GREB1L: variants seen among roughly 807,000 people sequenced by gnomAD.
GREB1L encodes the protein GREB1 like retinoic acid receptor coactivator.
A neutral mutation model predicts 200.8 loss-of-function variants in GREB1L; 17 were observed. The ratio of observed to expected loss-of-function variants is 0.08; its 90% CI spans 0.06 to 0.13. GREB1L has a LOEUF of 0.13. Among genes scored for constraint, GREB1L ranks in the 10% least tolerant of loss-of-function variants. The probability of loss-of-function intolerance (pLI) is 1.00; values close to 1 mark genes in which losing one functional copy is unlikely to be tolerated. For synonymous variants in GREB1L, 789 were observed against 893.0 expected (o/e 0.88, Z 2.08); for missense variants, 1,657 against 2,367.7 (o/e 0.70, Z 6.23).
intron 1 of GREB1L, among the ~76,000 whole-genome samples, chr18:21,347,147 G>A (rs574680402): frequency 3.3e-5 from 5 of 151,976 alleles, no homozygotes; most frequent in African/African-American, 1.2e-4. Flanking sequence ...GCGTGGTGGT[G>A]GGTGCCTGTA....
At chr18:21,513,250 A>C (rs2037304049) in intron 27 of GREB1L, among the ~76,000 whole-genome samples, 2 of 152,210 alleles carry the variant, frequency 1.3e-5, no homozygotes, top group South Asian at 2.1e-4. Flanking sequence ...TGCCTCTTGC[A>C]AAAGGCAGAT....
At chr18:21,504,408 C>T (rs559326541) in intron 23 of GREB1L, among the ~76,000 whole-genome samples, 43 of 152,310 alleles carry the variant, frequency 2.8e-4, no homozygotes, top group Middle Eastern at 3.4e-3. Context: ...TGATGGTACA[C>T]GCCTGCAATC....
intron 10 of GREB1L, 83 bp from the exon 11 acceptor site, chr18:21,444,141 C>A: frequency 1.1e-6 from 1 of 952,032 alleles, no homozygotes; most frequent in Non-Finnish European, 1.5e-6. Context: ...TGTTAAGCAG[C>A]TTTGATCGTC....
chr18:21,337,127 A>C (rs545321805), intron 1 of GREB1L, among the ~76,000 whole-genome samples: 3 of 152,292 alleles, frequency 2.0e-5, no homozygotes, highest in South Asian at 2.1e-4. Flanking sequence ...TGCAGGATCC[A>C]GTGATGATTA....
intron 7 of GREB1L, among the ~76,000 whole-genome samples, chr18:21,428,551 A>G (rs546583737): frequency 6.6e-6 from 1 of 150,742 alleles, no homozygotes; most frequent in South Asian, 2.1e-4. Context: ...AATATGGTGT[A>G]TGGAATAACA....
intron 1 of GREB1L, among the ~76,000 whole-genome samples, chr18:21,290,473 A>G (rs1391980434): frequency 6.6e-6 from 1 of 152,164 alleles, no homozygotes; most frequent in Admixed American, 6.6e-5. Flanking sequence ...AGATGGTTCC[A>G]TTTCACTTTT....
chr18:21,444,237 A>C lies in GREB1L; in HGVS notation c.1221A>C (p.Leu407Phe). 6.4e-7 allele frequency: 1 copy of C among 1,550,922 alleles called. No individual in the cohort carries two copies. The highest frequency in any genetic ancestry group is 2.0e-5 in the Admixed American group (1 of 51,002). ...RPVILIGYGT[L>F]PYFYGNVGDI... is the part of the protein sequence containing the mutation. Reference sequence around the variant, plus strand: ...CTATTGGGACAGGCTATGGCACTTTACCCTATTTCTATGGAAATGTTGGTG... The same window carrying C: ...CTATTGGGACAGGCTATGGCACTTTCCCCTATTTCTATGGAAATGTTGGTG... Residue 407 changes from leucine to phenylalanine, a missense_variant, in exon 11 of 33, where the codon TTA becomes TTC. Transcript: ENST00000424526.
At chr18:21,432,560 G>T (rs1250897163) in intron 7 of GREB1L, among the ~76,000 whole-genome samples, 1 of 151,298 alleles carries the variant, frequency 6.6e-6, no homozygotes, top group African/African-American at 2.4e-5. Flanking sequence ...TTACTGAATG[G>T]TTAACTTAGG....
chr18:21,321,807 A>G (rs2038956251), intron 1 of GREB1L, among the ~76,000 whole-genome samples: 1 of 152,250 alleles, frequency 6.6e-6, no homozygotes, highest in Non-Finnish European at 1.5e-5. Flanking sequence ...ATCTCCATAG[A>G]TGTCAAAAGG....
chr18:21,483,130 C>G (rs948909789), intron 17 of GREB1L, among the ~76,000 whole-genome samples: 58 of 152,152 alleles, frequency 3.8e-4, no homozygotes, highest in African/African-American at 1.4e-3. Flanking sequence ...TATTTACCAA[C>G]CTGCTAAGAA....
At chr18:21,251,078 G>T (rs143787962) in intron 1 of GREB1L, among the ~76,000 whole-genome samples, 2 of 152,186 alleles carry the variant, frequency 1.3e-5, no homozygotes, top group Non-Finnish European at 2.9e-5. Flanking sequence ...TGCTTTGGGA[G>T]GCCAAAGTGG....
intron 15 of GREB1L, among the ~76,000 whole-genome samples, chr18:21,456,705 G>C (rs192445207): frequency 6.6e-6 from 1 of 152,060 alleles, no homozygotes; most frequent in South Asian, 2.1e-4. Flanking sequence ...TGGAAATATC[G>C]ACCTGTAGGT....
intron 1 of GREB1L, among the ~76,000 whole-genome samples, chr18:21,355,034 G>A (rs1230906115): frequency 6.6e-6 from 1 of 152,162 alleles, no homozygotes; most frequent in Non-Finnish European, 1.5e-5. Context: ...CTCTTGGGAA[G>A]AGGCCTCAGT....
chr18:21,383,599 A>T lies in GREB1L; in HGVS notation c.81A>T (p.Arg27Ser). The change falls in exon 3 of 33, where the codon AGA (arginine) becomes AGT (serine). Residue 27 changes from arginine to serine, a missense_variant. Transcript: ENST00000424526. The part of the protein sequence containing the change: ...ALHNSIEASL[R>S]CSSVVPRPIF... ...ACAACTCCATAGAAGCCTCCCTCAG[A>T]TGTAGTAGTGTGGTACCACGGCCAA... 2 of 1,551,258 alleles carry T rather than the reference A, an allele frequency of 1.3e-6. No individual in the cohort carries two copies. Among genetic ancestry groups the T allele is most frequent in the South Asian group, 1.2e-5 (1 of 83,914 alleles).
chr18:21,245,701 T>C (rs566264648), intron 1 of GREB1L, among the ~76,000 whole-genome samples: 18 of 140,594 alleles, frequency 1.3e-4, no homozygotes, highest in Non-Finnish European at 1.8e-4. Context: ...ATTCTTTTTT[T>C]GTTTTGTTTT....
At chr18:21,251,768 A>C (rs1038707051) in intron 1 of GREB1L, among the ~76,000 whole-genome samples, 11 of 152,180 alleles carry the variant, frequency 7.2e-5, no homozygotes, top group Admixed American at 3.9e-4. Flanking sequence ...AACATGGTGA[A>C]ACCCAGTCTG....
intron 7 of GREB1L, among the ~76,000 whole-genome samples, chr18:21,426,998 A>G (rs2144986771): frequency 6.7e-6 from 1 of 148,806 alleles, no homozygotes; most frequent in East Asian, 2.0e-4. Flanking sequence ...CAAAAAAAAA[A>G]AACTGTTTTG....
chr18:21,297,395 C>T (rs1489641184), intron 1 of GREB1L, among the ~76,000 whole-genome samples: 2 of 152,084 alleles, frequency 1.3e-5, no homozygotes, highest in African/African-American at 2.4e-5. Flanking sequence ...TTGTGCTCCT[C>T]GGATATTGCA....
At chr18:21,430,581 CTTTTTTTTTTTTTT>C (rs147151717) in intron 7 of GREB1L, among the ~76,000 whole-genome samples, 2 of 60,192 alleles carry the variant, frequency 3.3e-5, no homozygotes, top group Non-Finnish European at 6.2e-5. Flanking sequence ...GATTTGGGAT[CTTTTTTTTTTTTTT>C]TTTTTTTTTT....
Sources: allele counts gnomAD v4.1 joint callset (sites outside exome capture counted in the v4.1 genomes callset), GRCh38; gene constraint gnomAD v4.1.1; transcripts MANE v1.5; gene names NCBI Gene and HGNC (gene_info 2026-07-23, HGNC 2026-07-21).